Variants in MRTFA observed in about 807,000 individuals in gnomAD.
MRTFA encodes myocardin-related transcription factor A.
MRTFA carries 20 observed loss-of-function variants against 83.5 expected under a neutral mutation model. That is an observed-to-expected ratio of 0.24 (90% CI 0.17 to 0.35). MRTFA has a LOEUF of 0.35. MRTFA is among the 10% of genes least tolerant of loss of function. The pLI is 1.00. For synonymous variants in MRTFA, 659 were observed against 541.2 expected (o/e 1.22, Z -3.02); for missense variants, 1,200 against 1,224.7 (o/e 0.98, Z 0.30).
chr22:40,583,536 G>C (rs2055980386), intron 2 of MRTFA, among the ~76,000 whole-genome samples: 2 of 152,196 alleles, frequency 1.3e-5, no homozygotes, highest in Admixed American at 1.3e-4. Flanking sequence ...TAGGTCAGGG[G>C]TTCCCAACCC....
rs756124240 is a variant in MRTFA at position 40,424,312 on chromosome 22, G to T, written c.671C>A (p.Ser224Tyr). The T allele has an allele frequency of 6.2e-7, 1 of 1,612,808 alleles. No homozygotes were observed. Among genetic ancestry groups the T allele is most frequent in the East Asian group, 2.2e-5 (1 of 44,720 alleles). ...CTCATGGCTGGCAGGCTGCTCGGGG[G>T]ATAAGGCATCGCTGCTGTCCTCATC... The change falls in exon 8 of 15, where the codon TCC (serine) becomes TAC (tyrosine). Residue 224 changes from serine to tyrosine, a missense_variant. Coordinates refer to ENST00000355630, the MANE Select transcript of MRTFA (RefSeq NM_020831.6).
chr22:40,610,281 G>A (rs1293206178), intron 1 of MRTFA, among the ~76,000 whole-genome samples: 1 of 151,916 alleles, frequency 6.6e-6, no homozygotes, highest in South Asian at 2.1e-4. Context: ...CTCCTGACCT[G>A]AGATGATCCA....
At chr22:40,628,143 C>T (rs1215464896) in intron 1 of MRTFA, among the ~76,000 whole-genome samples, 22 of 152,106 alleles carry the variant, frequency 1.4e-4, no homozygotes, top group Admixed American at 1.4e-3. Flanking sequence ...TATTACTTCC[C>T]TCTTTACATT....
rs530952614 is a variant in MRTFA at position 40,598,826 on chromosome 22, T to A, written c.-83-4091A>T. Among the ~76,000 whole-genome samples the A allele has an allele frequency of 2.2e-3, 303 of 136,908 alleles. 2 individuals carry two copies. Among genetic ancestry groups the A allele is most frequent in the Non-Finnish European group, 3.1e-3 (196 of 63,094 alleles). 89.8% of individuals were successfully genotyped at this position (136,908 alleles called of 152,430 possible). On this transcript the variant is annotated intron_variant, in intron 1 of 14. Coordinates refer to ENST00000355630, the MANE Select transcript of MRTFA (RefSeq NM_020831.6). The stretch of plus-strand genomic sequence containing the variant: ...ACATGGAGAAATTCCGTCGCTACTT[T>A]AAAAAAAAAAAAAAAATAGCCAGGT...
chr22:40,475,661 G>A (rs2053982347), intron 3 of MRTFA, among the ~76,000 whole-genome samples: 1 of 152,174 alleles, frequency 6.6e-6, no homozygotes, highest in Non-Finnish European at 1.5e-5. Flanking sequence ...AGTCTTATGT[G>A]GCCTTTTGTG....
intron 1 of MRTFA, among the ~76,000 whole-genome samples, chr22:40,610,799 A>G (rs952786138): frequency 6.6e-6 from 1 of 151,784 alleles, no homozygotes; most frequent in African/African-American, 2.4e-5. Flanking sequence ...TAGGGGAAAA[A>G]AAGTCTTGGA....
At chr22:40,474,538 C>T (rs1489826231) in intron 3 of MRTFA, among the ~76,000 whole-genome samples, 1 of 152,204 alleles carries the variant, frequency 6.6e-6, no homozygotes, top group African/African-American at 2.4e-5. Context: ...AGTTGGTCAG[C>T]ACATATACTT....
chr22:40,532,744 T>A (rs2055104694), intron 3 of MRTFA, among the ~76,000 whole-genome samples: 1 of 152,196 alleles, frequency 6.6e-6, no homozygotes, highest in Non-Finnish European at 1.5e-5. Flanking sequence ...AGAGACAGTA[T>A]CTGCCAGAAC....
At chr22:40,440,276 C>T (rs753572899) in intron 4 of MRTFA, among the ~76,000 whole-genome samples, 4 of 152,054 alleles carry the variant, frequency 2.6e-5, no homozygotes, top group African/African-American at 4.8e-5. Flanking sequence ...AGGCAGGGAC[C>T]GTTATTTCAT....
At chr22:40,485,460 T>G (rs2054160397) in intron 3 of MRTFA, among the ~76,000 whole-genome samples, 1 of 151,470 alleles carries the variant, frequency 6.6e-6, no homozygotes, top group Admixed American at 6.6e-5. Context: ...ACTCCAATGG[T>G]GTGTGAAGGC....
At chr22:40,563,449 C>G (rs1009613725) in intron 2 of MRTFA, among the ~76,000 whole-genome samples, 1 of 148,536 alleles carries the variant, frequency 6.7e-6, no homozygotes, top group Non-Finnish European at 1.5e-5. Flanking sequence ...TAATTTACTA[C>G]GTATATTAAC....
chr22:40,535,073 A>C (rs1485293807), intron 3 of MRTFA, among the ~76,000 whole-genome samples: 1 of 152,200 alleles, frequency 6.6e-6, no homozygotes, highest in African/African-American at 2.4e-5. Flanking sequence ...GAAAAGCTCT[A>C]TATAGAACTG....
chr22:40,623,358 A>G (rs964731186), intron 1 of MRTFA, among the ~76,000 whole-genome samples: 1 of 151,888 alleles, frequency 6.6e-6, no homozygotes, highest in Non-Finnish European at 1.5e-5. Context: ...TTTAGGGTAC[A>G]TGTGCACATT....
In MRTFA at chr22:40,420,885, C is replaced by T. The variant is rs200555648; in HGVS notation, c.1143G>A (p.Gln381=). 2 of 1,603,098 alleles carry T rather than the reference C, an allele frequency of 1.2e-6. No homozygotes were observed. Among genetic ancestry groups the T allele is most frequent in the Non-Finnish European group, 1.7e-6 (2 of 1,173,488 alleles). The change falls in exon 10 of 15, where the codon CAG becomes CAA. Residue 381 remains glutamine (Q), a synonymous_variant. Transcript: ENST00000355630. ...GCAGGATGGCCTGGTAGTTGTGGTG[C>T]TGCTGCTGCTGCTGGTTGAGGATCT... is the stretch of plus-strand genomic sequence containing the variant.
intron 2 of MRTFA, among the ~76,000 whole-genome samples, chr22:40,568,553 A>AG (rs1447146786): frequency 2.6e-5 from 4 of 152,382 alleles, no homozygotes; most frequent in African/African-American, 9.6e-5. Flanking sequence ...AAAGGTGCTG[A>AG]GAATTTTTGA....
At chr22:40,495,363 G>A (rs1326587216) in intron 3 of MRTFA, among the ~76,000 whole-genome samples, 2 of 148,850 alleles carry the variant, frequency 1.3e-5, no homozygotes, top group Non-Finnish European at 3.0e-5. Context: ...GAGGCAGGAC[G>A]ATCACTTGAA....
intron 2 of MRTFA, among the ~76,000 whole-genome samples, chr22:40,577,168 A>C (rs989721392): frequency 1.3e-5 from 2 of 149,222 alleles, no homozygotes; most frequent in African/African-American, 4.9e-5. Flanking sequence ...GGCTGCAGTG[A>C]GCCATGATAG....
intron 2 of MRTFA, among the ~76,000 whole-genome samples, chr22:40,571,178 G>C (rs2055787686): frequency 6.6e-6 from 1 of 151,776 alleles, no homozygotes; most frequent in Admixed American, 6.6e-5. Context: ...CCACTGCATA[G>C]TATGGGCGAC....
chr22:40,580,306 C>T (rs2055928791), intron 2 of MRTFA, among the ~76,000 whole-genome samples: 1 of 152,004 alleles, frequency 6.6e-6, no homozygotes, highest in Non-Finnish European at 1.5e-5. Flanking sequence ...TCAAGCATTC[C>T]TCCCACCTTA....
Sources: allele counts gnomAD v4.1 joint callset (sites outside exome capture counted in the v4.1 genomes callset), GRCh38; gene constraint gnomAD v4.1.1; transcripts MANE v1.5; gene names NCBI Gene and HGNC (gene_info 2026-07-23, HGNC 2026-07-21).